Variants in ATP2B1 observed in about 807,000 individuals in gnomAD.
ATP2B1 encodes ATPase plasma membrane Ca2+ transporting 1, also known as plasma membrane calcium-transporting ATPase 1.
Under a neutral mutation model 124.2 loss-of-function variants are expected in ATP2B1, and 14 were observed. The ratio of observed to expected loss-of-function variants is 0.11; its 90% CI spans 0.07 to 0.18. ATP2B1 has a LOEUF of 0.18. Among genes scored for constraint, ATP2B1 ranks in the 10% least tolerant of loss-of-function variants. ATP2B1 has a pLI of 1.00. For missense variants in ATP2B1, 763 were observed against 1,466.1 expected (o/e 0.52, Z 7.83); for synonymous variants, 449 against 492.4 (o/e 0.91, Z 1.17).
chr12:89,613,146 A>C (rs1418816318), intron 12 of ATP2B1, among the ~76,000 whole-genome samples: 1 of 151,840 alleles, frequency 6.6e-6, no homozygotes, highest in Non-Finnish European at 1.5e-5. Context: ...TGCACAGCTA[A>C]TTTTTTGTAT....
chr12:89,667,469 C>A (rs926699247), intron 1 of ATP2B1, among the ~76,000 whole-genome samples: 4 of 152,202 alleles, frequency 2.6e-5, no homozygotes, highest in Non-Finnish European at 5.9e-5. Flanking sequence ...CATCTACCAC[C>A]TTAATCAAGT....
At chr12:89,670,941 G>C (rs760818137) in intron 1 of ATP2B1, among the ~76,000 whole-genome samples, 10 of 111,866 alleles carry the variant, frequency 8.9e-5, no homozygotes, top group Non-Finnish European at 1.7e-4. Flanking sequence ...AACAGTTCAG[G>C]CCTTATACAT....
In ATP2B1 at chr12:89,676,279, T is replaced by C. The variant is rs559392444; in HGVS notation, c.-221-20172A>G. On this transcript the variant is annotated intron_variant, in intron 1 of 20. Transcript: ENST00000428670. ...GGATGTACAAAATCATGTAAGGTAT[T>C]GCAAAAGAAATTACAGACAAGGTTT... Among the ~76,000 whole-genome samples, 8 of 152,296 alleles carry C rather than the reference T, an allele frequency of 5.3e-5. 1 individual carries two copies. In the East Asian group the frequency reaches 1.3e-3, roughly 26 times the overall value.
At chr12:89,639,165 A>G (rs909056706) in intron 3 of ATP2B1, among the ~76,000 whole-genome samples, 1 of 152,202 alleles carries the variant, frequency 6.6e-6, no homozygotes, top group Admixed American at 6.5e-5. Context: ...CAGTGTTGAG[A>G]TGTAACGAGA....
intron 1 of ATP2B1, among the ~76,000 whole-genome samples, chr12:89,692,358 T>C (rs776756981): frequency 2.0e-5 from 3 of 152,134 alleles, no homozygotes; most frequent in Non-Finnish European, 1.5e-5. Flanking sequence ...ACGACATTGA[T>C]GAGAAAAAAC....
rs571064530 is a variant in ATP2B1, at chr12:89,686,812, C to T, written c.-222+21784G>A. 2.0e-5 allele frequency among the ~76,000 whole-genome samples: 3 copies of T among 152,036 alleles called. No homozygotes were observed. The South Asian group carries it at 6.2e-4, about 32-fold the overall frequency. On this transcript the variant is annotated intron_variant, in intron 1 of 20. Transcript: ENST00000428670. The stretch of plus-strand genomic sequence containing the variant: ...TGCACATAAATTTATATTAAAGTGA[C>T]AATAAGTGTTATTACAGTGGCCACA...
chr12:89,627,396 CAAAAAAA>C (rs59737003), intron 7 of ATP2B1, among the ~76,000 whole-genome samples: 3 of 91,290 alleles, frequency 3.3e-5, no homozygotes, highest in African/African-American at 7.4e-5. Flanking sequence ...TTCCAAAATC[CAAAAAAA>C]AAAAAAAAAA....
chr12:89,611,522 C>T, intron 12 of ATP2B1, 150 bp from the exon 13 acceptor site: 1 of 584,826 alleles, frequency 1.7e-6, no homozygotes, highest in Middle Eastern at 4.1e-4. Flanking sequence ...ATTTCCAATA[C>T]TCAACATTTC....
Position 89,677,030 on chromosome 12 carries a change from A to G in ATP2B1, c.-221-20923T>C, listed in dbSNP as rs575547169. On this transcript the variant is annotated intron_variant, in intron 1 of 20. Coordinates refer to ENST00000428670, the MANE Select transcript of ATP2B1 (RefSeq NM_001366521.1). ...AAAAATAAACACCACCACCACCACC[A>G]CCACCACCAAACAAAGAAACAAACA... is the stretch of plus-strand genomic sequence containing the variant. Among the ~76,000 whole-genome samples, 4 of 112,666 alleles carry G rather than the reference A, an allele frequency of 3.6e-5. No individual in the cohort carries two copies. In the East Asian group the frequency reaches 1.1e-3, roughly 31 times the overall value. 73.9% of individuals were successfully genotyped at this position (112,666 alleles called of 152,430 possible). A position where few individuals can be genotyped will look rare whatever the true frequency, so the allele number is the denominator to read the frequency against.
At chr12:89,704,423 C>T (rs1049717278) in intron 1 of ATP2B1, among the ~76,000 whole-genome samples, 31 of 152,170 alleles carry the variant, frequency 2.0e-4, no homozygotes, top group African/African-American at 7.5e-4. Context: ...CAAACCCATT[C>T]ATATTTCTCT....
intron 8 of ATP2B1, among the ~76,000 whole-genome samples, chr12:89,625,221 G>A (rs971554154): frequency 4.0e-5 from 6 of 151,480 alleles, no homozygotes; most frequent in Admixed American, 1.3e-4. Context: ...AGCCGAGATC[G>A]CACCACTGCA....
Position 89,695,068 on chromosome 12 carries a change from A to AAAAAAAG in ATP2B1, c.-222+13527_-222+13528insCTTTTTT, listed in dbSNP as rs1472844328. ...AGCAAGATGCTGTTTCAAAAAAAAA[A>AAAAAAAG]AAAGAAAAGAATTATAAGAATAGGA... is the stretch of plus-strand genomic sequence containing the variant. On this transcript the variant is annotated intron_variant, in intron 1 of 20. Coordinates refer to ENST00000428670, the MANE Select transcript of ATP2B1 (RefSeq NM_001366521.1). 1.8e-4 allele frequency among the ~76,000 whole-genome samples: 15 copies of AAAAAAAG among 84,758 alleles called. 1 individual carries two copies. The highest frequency in any genetic ancestry group is 4.0e-4 in the African/African-American group (12 of 30,144). The allele number at this position is 84,758 out of a possible 152,430, so 55.6% of individuals were successfully genotyped here. A position where few individuals can be genotyped will look rare whatever the true frequency, so the allele number is the denominator to read the frequency against.
chr12:89,616,151 C>G lies in ATP2B1; in HGVS notation c.2067+651G>C, dbSNP rs371642924. Among the ~76,000 whole-genome samples the G allele has an allele frequency of 1.0e-3, 152 of 151,952 alleles. 10 individuals carry two copies. The South Asian group carries it at 0.031, about 31-fold the overall frequency. Reference sequence around the variant, plus strand: ...CATAAGACAGTAACTTCTTTGAGGCCGGTGATCAGATCTCAAAACTCTTAA... The same window carrying G: ...CATAAGACAGTAACTTCTTTGAGGCGGGTGATCAGATCTCAAAACTCTTAA... On this transcript the variant is annotated intron_variant, in intron 12 of 20. Coordinates refer to ENST00000428670, the MANE Select transcript of ATP2B1 (RefSeq NM_001366521.1).
chr12:89,700,250 C>T (rs1439571687), intron 1 of ATP2B1, among the ~76,000 whole-genome samples: 1 of 152,082 alleles, frequency 6.6e-6, no homozygotes, highest in Non-Finnish European at 1.5e-5. Context: ...GACATGCAGA[C>T]AGTTTGATGC....
chr12:89,604,486 C>CAGAAA (rs1159942460), intron 15 of ATP2B1, 140 bp from the exon 16 acceptor site: 1 of 614,344 alleles, frequency 1.6e-6, no homozygotes, highest in African/African-American at 1.9e-5. Flanking sequence ...AAGAAGGTAA[C>CAGAAA]AGAGTTATTC....
intron 3 of ATP2B1, among the ~76,000 whole-genome samples, chr12:89,637,254 A>T (rs1264965973): frequency 6.6e-6 from 1 of 152,162 alleles, no homozygotes; most frequent in Non-Finnish European, 1.5e-5. Flanking sequence ...CATGAAAATG[A>T]GTATGATTTA....
chr12:89,656,530 T>G lies in ATP2B1; in HGVS notation c.-221-423A>C, dbSNP rs1213927616. Among the ~76,000 whole-genome samples the G allele has an allele frequency of 2.0e-5, 3 of 152,232 alleles. No individual in the cohort carries two copies. The South Asian group carries it at 6.2e-4, about 31-fold the overall frequency. On this transcript the variant is annotated intron_variant, in intron 1 of 20. Transcript: ENST00000428670. Reference sequence around the variant, plus strand: ...GTTTTCTGCCCAGCTAACAAATGGCTGAAATGTCTGAGGTGGACTGTCTCC... The same window carrying G: ...GTTTTCTGCCCAGCTAACAAATGGCGGAAATGTCTGAGGTGGACTGTCTCC...
In ATP2B1 at chr12:89,655,943, G is replaced by C; in HGVS notation, c.-57C>G. The C allele has an allele frequency of 6.8e-7, 1 of 1,465,996 alleles. No homozygotes were observed. The allele number at this position is 1,465,996 out of a possible 1,614,324, so 90.8% of individuals were successfully genotyped here. A position where few individuals can be genotyped will look rare whatever the true frequency, so the allele number is the denominator to read the frequency against. ...TCCCAAAAGAATTTAATTTTCACTT[G>C]ATGTATTTCCAAGATGAAAATCTTT... is the stretch of plus-strand genomic sequence containing the variant. On this transcript the variant is annotated 5_prime_UTR_variant, in exon 2 of 21. In the 5' UTR this introduces an upstream ATG that the reference lacks. Transcript: ENST00000428670.
At chr12:89,664,033 A>C (rs1887011438) in intron 1 of ATP2B1, among the ~76,000 whole-genome samples, 1 of 152,240 alleles carries the variant, frequency 6.6e-6, no homozygotes, top group Non-Finnish European at 1.5e-5. Context: ...GTGCATTTAC[A>C]GGGCCTATTT....
Sources: gnomAD v4.1 joint callset for allele counts (sites outside exome capture counted in the v4.1 genomes callset) on GRCh38, gnomAD v4.1.1 for gene constraint, MANE v1.5 for transcripts, NCBI Gene and HGNC (gene_info 2026-07-23, HGNC 2026-07-21) for gene names.